Variants in PUDP observed in about 807,000 individuals in gnomAD.
PUDP encodes the protein pseudouridine-5'-phosphatase.
A neutral mutation model predicts 9.4 loss-of-function variants in PUDP; 8 were observed. The observed-to-expected ratio is 0.85, with a 90% confidence interval of 0.50 to 1.53. The LOEUF is 1.53. Among genes scored for constraint, PUDP ranks in the 40% most tolerant of loss-of-function variants. PUDP has a pLI of 0.00. For missense variants in PUDP, 188 were observed against 189.7 expected (o/e 0.99, Z 0.05); for synonymous variants, 99 against 80.7 (o/e 1.23, Z -1.22).
chrX:6,760,299 GCT>G (rs1245224736), intron 3 of PUDP, among the ~76,000 whole-genome samples: 1 of 111,859 alleles, frequency 8.9e-6, no homozygotes, highest in Non-Finnish European at 1.9e-5. Context: ...AGCCCTGGAG[GCT>G]CTGTCTAGCC....
At chrX:6,880,585 C>A (rs1031862412) in intron 3 of PUDP, among the ~76,000 whole-genome samples, 3 of 112,200 alleles carry the variant, frequency 2.7e-5, no homozygotes, top group Non-Finnish European at 5.6e-5. Flanking sequence ...TCCCAGGCAG[C>A]TTGGCACTAA....
At chrX:6,814,591 G>A (rs1035884524) in intron 3 of PUDP, among the ~76,000 whole-genome samples, 1 of 111,562 alleles carries the variant, frequency 9.0e-6, no homozygotes, top group Non-Finnish European at 1.9e-5. Flanking sequence ...AAGTTTGATG[G>A]CCTGTGGGAA....
At chrX:6,788,722 T>A (rs868443252) in intron 3 of PUDP, among the ~76,000 whole-genome samples, 1 of 111,256 alleles carries the variant, frequency 9.0e-6, no homozygotes. Flanking sequence ...AAAATAAAAA[T>A]AAGTCGAGGA....
intron 3 of PUDP, among the ~76,000 whole-genome samples, chrX:6,769,564 AT>A (rs1472213078): frequency 2.7e-5 from 3 of 112,078 alleles, no homozygotes; most frequent in African/African-American, 9.7e-5. Context: ...AAAAACCAGG[AT>A]TATGCTTTTT....
chrX:6,886,674 G>T (rs552991719), intron 3 of PUDP, among the ~76,000 whole-genome samples: 1 of 111,131 alleles, frequency 9.0e-6, no homozygotes, highest in African/African-American at 3.3e-5. Context: ...GAGAGCAGCT[G>T]CCCAGCACCT....
At chrX:7,089,415 A>C (rs1209959761) in intron 2 of PUDP, among the ~76,000 whole-genome samples, 1 of 111,167 alleles carries the variant, frequency 9.0e-6, no homozygotes, top group African/African-American at 3.3e-5. Flanking sequence ...TGATCACCGG[A>C]GATCTGAAGT....
At chrX:7,070,064 T>C (rs1381779138) in intron 3 of PUDP, among the ~76,000 whole-genome samples, 1 of 111,769 alleles carries the variant, frequency 8.9e-6, no homozygotes, top group Non-Finnish European at 1.9e-5. Flanking sequence ...AGTCTGTCTT[T>C]TGTTAGTCTG....
intron 3 of PUDP, among the ~76,000 whole-genome samples, chrX:6,968,046 G>A (rs1044329661): frequency 8.9e-6 from 1 of 112,292 alleles, no homozygotes; most frequent in Non-Finnish European, 1.9e-5. Context: ...TGCTGTCCAT[G>A]CTTTGTTGAA....
rs748826269 is a variant in PUDP, at chrX:6,793,759, A to G, written c.*248-87293T>C. Among the ~76,000 whole-genome samples, 661 of 109,801 alleles carry G rather than the reference A, an allele frequency of 6.0e-3. 7 individuals are homozygous for G. Among genetic ancestry groups the G allele is most frequent in the Non-Finnish European group, 9.6e-3 (496 of 51,546 alleles). ...TGCCTGTTCAGACTGAGGCAAGAAA[A>G]GACGGTAAAGATTGCTATGAGGAAT... On this transcript the variant is annotated intron_variant and NMD_transcript_variant, in intron 3 of 3. Coordinates refer to the PUDP transcript ENST00000655425.
At chrX:6,925,290 C>A (rs1319359446) in intron 3 of PUDP, among the ~76,000 whole-genome samples, 1 of 111,913 alleles carries the variant, frequency 8.9e-6, no homozygotes, top group East Asian at 2.8e-4. Flanking sequence ...ATATTTTGAT[C>A]TGCCATAAGC....
intron 3 of PUDP, among the ~76,000 whole-genome samples, chrX:6,827,361 G>A (rs552615430): frequency 8.9e-6 from 1 of 111,996 alleles, no homozygotes; most frequent in African/African-American, 3.2e-5. Flanking sequence ...GAGCGGGCCC[G>A]AGCATAGGGG....
At chrX:7,042,521 A>G (rs1235760146) in intron 1 of PUDP, among the ~76,000 whole-genome samples, 1 of 111,908 alleles carries the variant, frequency 8.9e-6, no homozygotes, top group Admixed American at 9.5e-5. Context: ...GTGAGATTTC[A>G]TTGAAGAACC....
chrX:6,851,857 G>C (rs746077035), intron 3 of PUDP, among the ~76,000 whole-genome samples: 2 of 111,736 alleles, frequency 1.8e-5, no homozygotes, highest in African/African-American at 6.5e-5. Flanking sequence ...CAGTCCCTTT[G>C]TCCATGCAAT....
At chrX:6,971,069 A>G (rs1449150774) in intron 3 of PUDP, among the ~76,000 whole-genome samples, 1 of 110,936 alleles carries the variant, frequency 9.0e-6, no homozygotes, top group Non-Finnish European at 1.9e-5. Context: ...AAAACAAAAA[A>G]ACAAAAAAAA....
At chrX:7,027,014 C>T (rs761639289) in intron 1 of PUDP, among the ~76,000 whole-genome samples, 1 of 111,035 alleles carries the variant, frequency 9.0e-6, no homozygotes, top group African/African-American at 3.3e-5. Context: ...TTAATTATCC[C>T]GCCAATGCTC....
chrX:7,140,664 G>A (rs928187753), intron 1 of PUDP, among the ~76,000 whole-genome samples: 2 of 111,722 alleles, frequency 1.8e-5, no homozygotes, highest in Non-Finnish European at 3.8e-5. Context: ...GAGAAAAATA[G>A]ATTCTGGCTC....
intron 3 of PUDP, among the ~76,000 whole-genome samples, chrX:6,804,001 T>C (rs1252031687): frequency 8.9e-6 from 1 of 111,913 alleles, no homozygotes; most frequent in Non-Finnish European, 1.9e-5. Flanking sequence ...AAAGTTCATA[T>C]TTTTTCATTG....
chrX:6,969,170 A>C (rs1399370741), intron 3 of PUDP, among the ~76,000 whole-genome samples: 1 of 112,236 alleles, frequency 8.9e-6, no homozygotes, highest in Non-Finnish European at 1.9e-5. Context: ...ATGACTCCCA[A>C]ACCACCCTAA....
chrX:6,784,166 GTC>G lies in PUDP; in HGVS notation c.*248-77702_*248-77701del, dbSNP rs762420023. Reference sequence around the variant, plus strand: ...CATAAAACTAACCACCATGCAAATTGTCTCTGTTTTTTAGTTTAGATGCCCTC... The same window carrying G: ...CATAAAACTAACCACCATGCAAATTGTCTGTTTTTTAGTTTAGATGCCCTC... On this transcript the variant is annotated intron_variant and NMD_transcript_variant, in intron 3 of 3. Coordinates refer to the PUDP transcript ENST00000655425. Among the ~76,000 whole-genome samples, 112 of 111,813 alleles carry G rather than the reference GTC, an allele frequency of 1.0e-3. 1 individual carries two copies. Among genetic ancestry groups the G allele is most frequent in the African/African-American group, 3.0e-3 (93 of 30,787 alleles).
Sources: allele counts gnomAD v4.1 joint callset (sites outside exome capture counted in the v4.1 genomes callset), GRCh38; gene constraint gnomAD v4.1.1; transcripts MANE v1.5; gene names NCBI Gene and HGNC (gene_info 2026-07-23, HGNC 2026-07-21).